The following NRG1 variants were observed in gnomAD, a reference collection of about 807,000 sequenced individuals.
NRG1 encodes the protein neuregulin 1.
Under a neutral mutation model 63.8 loss-of-function variants are expected in NRG1, and 18 were observed. That is an observed-to-expected ratio of 0.28 (90% confidence interval 0.19 to 0.42). The LOEUF (loss-of-function observed/expected upper bound fraction) is 0.42, where lower values mean the gene tolerates loss of function less well. NRG1 is among the 10% of genes least tolerant of loss of function. NRG1 has a pLI of 1.00. For synonymous variants in NRG1, 302 were observed against 301.3 expected (o/e 1.00, Z -0.02); for missense variants, 762 against 814.7 (o/e 0.94, Z 0.79).
intron 1 of NRG1, among the ~76,000 whole-genome samples, chr8:32,073,340 T>C (rs1035869076): frequency 3.9e-5 from 6 of 152,162 alleles, no homozygotes; most frequent in Non-Finnish European, 1.5e-5. Flanking sequence ...AGAAAGCTTA[T>C]GCTCTGCCAA....
rs148829533 is a variant in NRG1 at position 32,681,577 on chromosome 8, A to G, written c.503-46372A>G. 2.2e-3 allele frequency among the ~76,000 whole-genome samples: 334 copies of G among 152,310 alleles called. 1 individual carries two copies. The highest frequency in any genetic ancestry group is 7.9e-3 in the African/African-American group (327 of 41,592). On this transcript the variant is annotated intron_variant, in intron 5 of 11. Coordinates refer to ENST00000356819, the Ensembl canonical transcript of NRG1. ...ACTACATGGAGAATATATTGATAAC[A>G]GCATCTTTTACACAGTGATGAATTA...
At chr8:32,648,521 T>C (rs1353841563) in intron 5 of NRG1, 32 of 1,319,588 alleles carry the variant, frequency 2.4e-5, no homozygotes, top group African/African-American at 4.5e-5. Context: ...TTTGAGATGC[T>C]TGGGATGGCA....
chr8:32,099,870 G>C (rs537494141), intron 1 of NRG1: 1 of 152,270 alleles, frequency 6.6e-6, no homozygotes, highest in African/African-American at 2.4e-5. Context: ...GTTGCAGAAA[G>C]AAACAACCTG....
chr8:31,770,706 T>A (rs1818532908), intron 1 of NRG1, among the ~76,000 whole-genome samples: 1 of 151,388 alleles, frequency 6.6e-6, no homozygotes, highest in Admixed American at 6.6e-5. Context: ...ACATGGTGCA[T>A]GTATACATAT....
intron 1 of NRG1, among the ~76,000 whole-genome samples, chr8:32,556,470 A>G (rs1160758959): frequency 6.6e-6 from 1 of 152,202 alleles, no homozygotes. Context: ...CTATTAGCAG[A>G]TAGTTGTTAT....
chr8:32,006,784 C>G (rs987196347), intron 1 of NRG1, among the ~76,000 whole-genome samples: 6 of 152,060 alleles, frequency 3.9e-5, no homozygotes, highest in Non-Finnish European at 8.8e-5. Flanking sequence ...CCCCCACATT[C>G]TCCAGATTAG....
chr8:31,941,788 A>C (rs912827219), intron 1 of NRG1, among the ~76,000 whole-genome samples: 10 of 152,160 alleles, frequency 6.6e-5, no homozygotes, highest in African/African-American at 2.2e-4. Flanking sequence ...AACCCCTTTC[A>C]CAATATCAGC....
At chr8:32,015,293 A>G (rs1344586039) in intron 1 of NRG1, among the ~76,000 whole-genome samples, 2 of 152,250 alleles carry the variant, frequency 1.3e-5, no homozygotes, top group East Asian at 3.8e-4. Flanking sequence ...GAATATAAAC[A>G]GAAACATCGT....
intron 1 of NRG1, among the ~76,000 whole-genome samples, chr8:31,650,714 T>C (rs934307407): frequency 2.6e-5 from 4 of 152,238 alleles, no homozygotes; most frequent in Admixed American, 2.0e-4. Context: ...ACAATGTATG[T>C]ATTTTAAAAT....
intron 1 of NRG1, among the ~76,000 whole-genome samples, chr8:32,337,593 G>C (rs566890436): frequency 3.9e-5 from 5 of 127,976 alleles, no homozygotes; most frequent in African/African-American, 1.5e-4. Context: ...CCCTTCCCAG[G>C]AATCAAATTC....
chr8:32,075,651 C>CTTTTTT lies in NRG1; in HGVS notation c.37+436254_37+436259dup, dbSNP rs200354474. 3.3e-5 allele frequency among the ~76,000 whole-genome samples: 5 copies of CTTTTTT among 150,296 alleles called. 1 individual carries two copies. Among genetic ancestry groups the CTTTTTT allele is most frequent in the African/African-American group, 1.2e-4 (5 of 40,222 alleles). On this transcript the variant is annotated intron_variant, in intron 1 of 10. Transcript: ENST00000519301. ...TAATATTATTTTTTAATATTTTAAC[C>CTTTTTT]TTTTTTTTTTTTTTTTTTTTTTTTT...
At chr8:32,326,402 C>T (rs945074519) in intron 1 of NRG1, among the ~76,000 whole-genome samples, 1 of 149,384 alleles carries the variant, frequency 6.7e-6, no homozygotes, top group African/African-American at 2.5e-5. Flanking sequence ...TCTTCAACTT[C>T]CTGGGCTCAA....
At chr8:32,764,365 C>G (rs1283919234) in exon 12 of NRG1, 2 of 1,609,412 alleles carry the variant, frequency 1.2e-6, no homozygotes, top group Non-Finnish European at 1.7e-6. Flanking sequence ...GCCAGGCTGT[C>G]TAGTGTAATT....
intron 1 of NRG1, among the ~76,000 whole-genome samples, chr8:31,918,256 G>C (rs145017154): frequency 0.39 from 59,791 of 152,082 alleles, 12,159 homozygotes; most frequent in African/African-American, 0.48. Flanking sequence ...GTAGTGGTGA[G>C]AGAGGGCATC....
intron 1 of NRG1, among the ~76,000 whole-genome samples, chr8:32,172,236 G>A (rs1337219621): frequency 1.3e-5 from 2 of 152,122 alleles, no homozygotes; most frequent in African/African-American, 4.8e-5. Context: ...AGGCAAACAG[G>A]GTCTGGAGTG....
At position 32,298,728 on chromosome 8, in the gene NRG1, AAAG is replaced by A. The variant is rs1239916972; in HGVS notation, c.38-297097_38-297095del. ...AAACTCAGTCTCAAAAAAAAAAAAA[AAAG>A]AAAAGAAAAGAAAAAGATCGGGTGC... On this transcript the variant is annotated intron_variant, in intron 1 of 10. Transcript: ENST00000519301. Among the ~76,000 whole-genome samples the A allele has an allele frequency of 5.0e-5, 6 of 121,024 alleles. No homozygotes were observed. The East Asian group carries it at 9.2e-4, about 18-fold the overall frequency. The allele number at this position is 121,024 out of a possible 152,430, so 79.4% of individuals were successfully genotyped here.
chr8:32,246,388 A>G (rs554267998), intron 1 of NRG1, among the ~76,000 whole-genome samples: 1 of 152,238 alleles, frequency 6.6e-6, no homozygotes, highest in South Asian at 2.1e-4. Flanking sequence ...TTTCATGCAT[A>G]CATCTGCCTC....
intron 1 of NRG1, among the ~76,000 whole-genome samples, chr8:32,201,734 T>C (rs1359070596): frequency 1.3e-5 from 2 of 152,210 alleles, no homozygotes; most frequent in Non-Finnish European, 2.9e-5. Flanking sequence ...TCTCCTACTT[T>C]AAATAGACCG....
chr8:32,041,276 C>CATTTATTATGTAATAAATAAA (rs1453280821), intron 1 of NRG1, among the ~76,000 whole-genome samples: 1 of 152,150 alleles, frequency 6.6e-6, no homozygotes, highest in African/African-American at 2.4e-5. Flanking sequence ...TTCTTAATTA[C>CATTTATTATGTAATAAATAAA]TACATTTATT....
Sources: allele counts gnomAD v4.1 joint callset (sites outside exome capture counted in the v4.1 genomes callset), GRCh38; gene constraint gnomAD v4.1.1; transcripts MANE v1.5; gene names NCBI Gene and HGNC (gene_info 2026-07-23, HGNC 2026-07-21).